The following GSN variants were observed in gnomAD, a reference collection of about 807,000 sequenced individuals.
GSN encodes gelsolin.
A neutral mutation model predicts 85.7 loss-of-function variants in GSN; 56 were observed. That is an observed-to-expected ratio of 0.65 (90% confidence interval 0.53 to 0.82). GSN has a LOEUF of 0.82. GSN is among the 40% of genes least tolerant of loss of function. GSN has a pLI of 0.00. For synonymous variants in GSN, 373 were observed against 399.1 expected (o/e 0.93, Z 0.78); for missense variants, 857 against 979.8 (o/e 0.87, Z 1.67).
At chr9:121,323,101 G>A (rs2062696510) in intron 11 of GSN, among the ~76,000 whole-genome samples, 1 of 152,034 alleles carries the variant, frequency 6.6e-6, no homozygotes, top group South Asian at 2.1e-4. Flanking sequence ...AAAGTGTTGG[G>A]ATTATAGGCA....
chr9:121,268,582 G>A (rs554244338), intron 1 of GSN, among the ~76,000 whole-genome samples: 57 of 152,310 alleles, frequency 3.7e-4, no homozygotes, highest in African/African-American at 1.3e-3. Context: ...GCATGCAGGG[G>A]ACCACCAGCT....
chr9:121,262,960 GC>G (rs2055117644), intron 6 of GSN, among the ~76,000 whole-genome samples: 1 of 152,200 alleles, frequency 6.6e-6, no homozygotes. Flanking sequence ...TCTGCTCTGT[GC>G]CAAGCACTAT....
Position 121,219,903 on chromosome 9 carries a change from G to A in GSN, c.-528+9036G>A, listed in dbSNP as rs557385079. 4.7e-5 allele frequency among the ~76,000 whole-genome samples: 7 copies of A among 148,488 alleles called. No individual in the cohort carries two copies. The East Asian group carries it at 1.4e-3, about 29-fold the overall frequency. On this transcript the variant is annotated intron_variant, in intron 4 of 24. Transcript: ENST00000373823. The stretch of plus-strand genomic sequence containing the variant: ...TCTTTTCTTTTTTTTTTTTTGAGAC[G>A]AAGTTTTGCTCTTTGTTGCCCAGGC...
chr9:121,276,534 C>T (rs7025165), intron 1 of GSN, among the ~76,000 whole-genome samples: 1 of 152,076 alleles, frequency 6.6e-6, no homozygotes, highest in Non-Finnish European at 1.5e-5. Flanking sequence ...CTTGGCATAG[C>T]GCACCCCCCC....
chr9:121,248,603 G>T (rs987727611), intron 6 of GSN, among the ~76,000 whole-genome samples: 1 of 152,182 alleles, frequency 6.6e-6, no homozygotes, highest in Admixed American at 6.5e-5. Context: ...AGGGGAACAG[G>T]TGTATCCAAA....
At chr9:121,206,357 CA>C (rs1391222007), upstream of GSN, among the ~76,000 whole-genome samples, 1 of 151,804 alleles carries the variant, frequency 6.6e-6, no homozygotes, top group African/African-American at 2.4e-5. Flanking sequence ...ACAAAGAAAT[CA>C]AAATCAAGGG....
At chr9:121,273,477 C>G (rs528424688) in intron 1 of GSN, among the ~76,000 whole-genome samples, 2 of 151,814 alleles carry the variant, frequency 1.3e-5, no homozygotes, top group Admixed American at 6.6e-5. Context: ...TTCCCCCCAC[C>G]CTTATTATTT....
chr9:121,332,558 G>A lies in GSN; in HGVS notation c.2151G>A (p.Trp717Ter). 6.2e-7 allele frequency: 1 copy of A among 1,614,102 alleles called. No individual in the cohort carries two copies. The highest frequency in any genetic ancestry group is 8.5e-7 in the Non-Finnish European group (1 of 1,179,998). Residue 717 changes from tryptophan (W) to a stop codon, truncating the protein, a stop_gained, in exon 18 of 18, where the codon TGG becomes TGA. Coordinates refer to ENST00000432226, the MANE Select transcript of GSN (RefSeq NM_198252.3). LOFTEE classifies it high-confidence loss of function. This position sits in a 1 kb window ranked among gnomAD's most constrained non-coding sequence, Gnocchi z 4.8. ...GWFLGWDDDY[W>*]SVDPLDRAMA... ...TCCTTGGCTGGGATGATGATTACTG[G>A]TCTGTGGACCCCTTGGACAGGGCCA...
At chr9:121,217,838 A>ATT (rs2054096474) in intron 4 of GSN, among the ~76,000 whole-genome samples, 5 of 131,538 alleles carry the variant, frequency 3.8e-5, no homozygotes, top group African/African-American at 8.2e-5. Context: ...TTATTATTAT[A>ATT]ACCTCAAACA....
intron 1 of GSN, among the ~76,000 whole-genome samples, chr9:121,278,344 G>A (rs941699771): frequency 6.6e-6 from 1 of 152,128 alleles, no homozygotes; most frequent in Non-Finnish European, 1.5e-5. Context: ...CCATTTGAAC[G>A]CTTATGGCAT....
intron 2 of GSN, among the ~76,000 whole-genome samples, chr9:121,300,927 C>T (rs931739325): frequency 2.6e-5 from 4 of 152,160 alleles, no homozygotes; most frequent in African/African-American, 7.2e-5. Flanking sequence ...CCTCGATTTG[C>T]GAGTGCACCC....
At position 121,314,026 on chromosome 9, in the gene GSN, G is replaced by T; in HGVS notation, c.753+3G>T. On this transcript the variant is annotated splice_donor_region_variant and intron_variant, in intron 7 of 17. Coordinates refer to ENST00000432226, the MANE Select transcript of GSN (RefSeq NM_198252.3). ...GCAAGCTGGCCAAGCTCTACAAGGT[G>T]AGCACCAGATGCACTGTCTGCCTGG... 6.2e-7 allele frequency: 1 copy of T among 1,610,466 alleles called. No individual in the cohort carries two copies. Among genetic ancestry groups the T allele is most frequent in the African/African-American group, 1.3e-5 (1 of 75,000 alleles).
At chr9:121,293,014 G>A (rs1346396457) in intron 2 of GSN, among the ~76,000 whole-genome samples, 1 of 152,192 alleles carries the variant, frequency 6.6e-6, no homozygotes, top group East Asian at 1.9e-4. Context: ...CAGCAAGGAG[G>A]AAATCTTGGC....
chr9:121,276,702 C>T (rs952882606), intron 1 of GSN, among the ~76,000 whole-genome samples: 1 of 152,164 alleles, frequency 6.6e-6, no homozygotes, highest in African/African-American at 2.4e-5. Flanking sequence ...CTGATTGCTG[C>T]TCTACCAAAC....
chr9:121,272,494 A>C (rs1385938162), intron 1 of GSN, among the ~76,000 whole-genome samples: 3 of 152,172 alleles, frequency 2.0e-5, no homozygotes, highest in African/African-American at 7.2e-5. Flanking sequence ...CCCCACATGT[A>C]CTTGGGTCCG....
At position 121,329,705 on chromosome 9, in the gene GSN, G is replaced by A. The variant is rs569886054; in HGVS notation, c.1965+390G>A. 6.6e-6 allele frequency among the ~76,000 whole-genome samples: 1 copy of A among 152,280 alleles called. No homozygotes were observed. Among genetic ancestry groups the A allele is most frequent in the South Asian group, 2.1e-4 (1 of 4,826 alleles). ...CCAGTGTCACCTAGAGGCTCTAGAGGGCTCCTGCTTCTGGTTTGAGGGCTC... is the reference window on the plus strand; with the variant it reads ...CCAGTGTCACCTAGAGGCTCTAGAGAGCTCCTGCTTCTGGTTTGAGGGCTC... On this transcript the variant is annotated intron_variant, in intron 16 of 17. Transcript: ENST00000432226. The surrounding 1 kb of genome is among the most constrained non-coding windows in gnomAD (Gnocchi z 4.6).
intron 1 of GSN, among the ~76,000 whole-genome samples, chr9:121,272,761 G>A (rs2056160207): frequency 6.6e-6 from 1 of 152,178 alleles, no homozygotes; most frequent in Admixed American, 6.5e-5. Context: ...TCTACGAGGG[G>A]AGAGATAGTG....
intron 2 of GSN, among the ~76,000 whole-genome samples, chr9:121,297,452 C>G (rs2059325880): frequency 6.6e-6 from 1 of 152,170 alleles, no homozygotes; most frequent in African/African-American, 2.4e-5. Flanking sequence ...TAGGCACTTC[C>G]TCCAGCCTCA....
At chr9:121,300,021 G>C (rs1268467289) in intron 2 of GSN, 1 of 1,509,238 alleles carries the variant, frequency 6.6e-7, no homozygotes, top group Admixed American at 1.9e-5. Context: ...TGCCCGGGGG[G>C]CCCCGGGGCT....
Sources: allele counts gnomAD v4.1 joint callset (sites outside exome capture counted in the v4.1 genomes callset), GRCh38; gene constraint gnomAD v4.1.1; non-coding constraint Gnocchi (gnomAD v3.1); transcripts MANE v1.5; gene names NCBI Gene and HGNC (gene_info 2026-07-23, HGNC 2026-07-21).